Variants in KLHL4 observed in about 807,000 individuals in gnomAD.
The protein encoded by KLHL4 is kelch like family member 4.
In KLHL4, 17 loss-of-function variants were observed where a neutral mutation model predicts 45.8. The ratio of observed to expected loss-of-function variants is 0.37; its 90% CI spans 0.25 to 0.56. The LOEUF (loss-of-function observed/expected upper bound fraction) is 0.56, where lower values mean the gene tolerates loss of function less well. Among genes scored for constraint, KLHL4 ranks in the 20% least tolerant of loss-of-function variants. The pLI, the probability that KLHL4 is intolerant of heterozygous loss-of-function variation, is 0.79. For synonymous variants in KLHL4, 224 were observed against 189.9 expected, an observed-to-expected ratio of 1.18 and a Z score of -1.47; for missense variants, 544 against 544.9, an observed-to-expected ratio of 1.00 and a Z score of 0.02.
chrX:87,559,189 A>G (rs929866205), intron 1 of KLHL4, among the ~76,000 whole-genome samples: 2 of 112,105 alleles, frequency 1.8e-5, no homozygotes, highest in Admixed American at 1.9e-4. Flanking sequence ...GAGTTGTATA[A>G]TTGTTTATTT....
intron 1 of KLHL4, among the ~76,000 whole-genome samples, chrX:87,564,183 C>T (rs1476208832): frequency 3.6e-5 from 4 of 111,144 alleles, no homozygotes; most frequent in Admixed American, 9.6e-5. Context: ...GTAAACTACT[C>T]ATCTTGAGTA....
chrX:87,643,215 C>T (rs2147831419), intron 9 of KLHL4, among the ~76,000 whole-genome samples: 1 of 111,561 alleles, frequency 9.0e-6, no homozygotes, highest in East Asian at 2.8e-4. Context: ...AATAACCTCA[C>T]TAAGAATTGC....
intron 1 of KLHL4, among the ~76,000 whole-genome samples, chrX:87,580,301 A>G (rs2147794483): frequency 9.9e-6 from 1 of 101,420 alleles, no homozygotes; most frequent in East Asian, 3.3e-4. Context: ...TAAGGGAGGA[A>G]AGAGAAACAG....
rs780485391 is a variant in KLHL4 at position 87,612,341 on chromosome X, A to G, written c.423-1536A>G. 1.5e-4 allele frequency among the ~76,000 whole-genome samples: 17 copies of G among 111,678 alleles called. No individual in the cohort carries two copies. The South Asian group carries it at 6.3e-3, about 42-fold the overall frequency. ...TTTACTGTGCTCTTTCTATGTTTGT[A>G]TATTTGAGATGAAAAAATACTTACT... On this transcript the variant is annotated intron_variant, in intron 1 of 10. Coordinates refer to ENST00000373119, the MANE Select transcript of KLHL4 (RefSeq NM_019117.5).
chrX:87,650,903 T>A (rs1163913019), intron 9 of KLHL4, among the ~76,000 whole-genome samples: 1 of 111,429 alleles, frequency 9.0e-6, no homozygotes, highest in Non-Finnish European at 1.9e-5. Context: ...CCAAGCAAAA[T>A]AGGTTTCCTC....
intron 1 of KLHL4, among the ~76,000 whole-genome samples, chrX:87,576,519 G>A (rs1335839128): frequency 9.0e-6 from 1 of 111,093 alleles, no homozygotes; most frequent in Admixed American, 9.6e-5. Flanking sequence ...TCAAATAAAA[G>A]CGGTTTTTAT....
chrX:87,645,523 C>T (rs1394734943), intron 9 of KLHL4, among the ~76,000 whole-genome samples: 5 of 111,376 alleles, frequency 4.5e-5, no homozygotes, highest in Admixed American at 1.9e-4. Context: ...GTAGAACTAC[C>T]ATTTGACCCA....
At chrX:87,634,679 C>G (rs1273359323) in intron 8 of KLHL4, among the ~76,000 whole-genome samples, 1 of 111,776 alleles carries the variant, frequency 8.9e-6, no homozygotes, top group Non-Finnish European at 1.9e-5. Context: ...TTTTTAGAAC[C>G]TTGCACAGAA....
chrX:87,580,273 A>T (rs901324432), intron 1 of KLHL4, among the ~76,000 whole-genome samples: 1 of 110,172 alleles, frequency 9.1e-6, no homozygotes, highest in Admixed American at 9.8e-5. Flanking sequence ...AAAATTAGTA[A>T]AAAGGGAAAG....
At chrX:87,646,150 C>A (rs1174143783) in intron 9 of KLHL4, among the ~76,000 whole-genome samples, 1 of 111,174 alleles carries the variant, frequency 9.0e-6, no homozygotes, top group Non-Finnish European at 1.9e-5. Flanking sequence ...ATAGCTGCAA[C>A]AACAACAACA....
chrX:87,532,404 C>G (rs966309720), intron 1 of KLHL4, among the ~76,000 whole-genome samples: 1 of 110,571 alleles, frequency 9.0e-6, no homozygotes, highest in Non-Finnish European at 1.9e-5. Context: ...TTAGGAGTGT[C>G]TTGGCCATGT....
chrX:87,618,779 A>T (rs928746849), intron 4 of KLHL4, among the ~76,000 whole-genome samples: 1 of 111,795 alleles, frequency 8.9e-6, no homozygotes, highest in Non-Finnish European at 1.9e-5. Flanking sequence ...GATTACAGGC[A>T]TGAGACACTG....
intron 1 of KLHL4, among the ~76,000 whole-genome samples, chrX:87,590,199 A>G (rs1921616467): frequency 9.0e-6 from 1 of 111,169 alleles, no homozygotes; most frequent in African/African-American, 3.3e-5. Flanking sequence ...ATTCGCCATT[A>G]TGTGCTTACT....
At chrX:87,568,810 G>T (rs1422326461) in intron 1 of KLHL4, among the ~76,000 whole-genome samples, 1 of 111,619 alleles carries the variant, frequency 9.0e-6, no homozygotes, top group Admixed American at 9.6e-5. Flanking sequence ...CAAGAATGAA[G>T]TTGGATCCTT....
chrX:87,521,384 A>C (rs1344491373), intron 1 of KLHL4, among the ~76,000 whole-genome samples: 2 of 111,747 alleles, frequency 1.8e-5, no homozygotes, highest in Non-Finnish European at 3.8e-5. Flanking sequence ...TTGAGCATTC[A>C]TTGTGTTCCA....
intron 1 of KLHL4, among the ~76,000 whole-genome samples, chrX:87,560,247 A>T (rs1397118497): frequency 3.6e-5 from 4 of 111,902 alleles, no homozygotes; most frequent in Admixed American, 9.5e-5. Context: ...AAAATACCTC[A>T]TGCTTCAAAT....
rs1924410850 is a variant in KLHL4, at chrX:87,667,499, G to A, written c.*965G>A. ...AACACCAAAATATTCAATAAGCCTG[G>A]TCAATTCTATAGTTATCTTTTTTGT... On this transcript the variant is annotated 3_prime_UTR_variant, in exon 11 of 11. Transcript: ENST00000373119. 1 of 727,210 alleles carries A rather than the reference G, an allele frequency of 1.4e-6. No individual in the cohort carries two copies. Among genetic ancestry groups the A allele is most frequent in the Admixed American group, 9.1e-5 (1 of 11,015 alleles). 59.9% of individuals were successfully genotyped at this position (727,210 alleles called of 1,213,427 possible). A position where few individuals can be genotyped will look rare whatever the true frequency, so the allele number is the denominator to read the frequency against.
chrX:87,618,636 G>T (rs1349932770), intron 4 of KLHL4, among the ~76,000 whole-genome samples: 3 of 111,065 alleles, frequency 2.7e-5, no homozygotes, highest in Non-Finnish European at 5.7e-5. Context: ...GAGTAGCTGG[G>T]ACTACAGGCG....
rs759254216 is a variant in KLHL4, at chrX:87,640,544, G to A, written c.1925+4769G>A. On this transcript the variant is annotated intron_variant, in intron 9 of 10. Coordinates refer to ENST00000373119, the MANE Select transcript of KLHL4 (RefSeq NM_019117.5). ...CGCAGGGATTGTTTAACATCCACAA[G>A]TCAATAAATGTGATATGCCTCATAA... 8.0e-5 allele frequency among the ~76,000 whole-genome samples: 9 copies of A among 111,897 alleles called. No individual in the cohort carries two copies. The South Asian group carries it at 3.4e-3, about 42-fold the overall frequency.
Sources: gnomAD v4.1 joint callset for allele counts (sites outside exome capture counted in the v4.1 genomes callset) on GRCh38, gnomAD v4.1.1 for gene constraint, MANE v1.5 for transcripts, NCBI Gene and HGNC (gene_info 2026-07-23, HGNC 2026-07-21) for gene names.